The following RIPOR2 variants were observed in gnomAD, a reference collection of about 807,000 sequenced individuals.
RIPOR2 encodes the protein RHO family interacting cell polarization regulator 2, also known as rho family-interacting cell polarization regulator 2.
Under a neutral mutation model 114.5 loss-of-function variants are expected in RIPOR2, and 39 were observed. The ratio of observed to expected loss-of-function variants is 0.34; its 90% CI spans 0.26 to 0.44. RIPOR2 has a LOEUF of 0.44. Ranked by LOEUF, RIPOR2 falls within the 20% of genes least tolerant of loss-of-function variation. The pLI is 1.00. For missense variants in RIPOR2, 1,007 were observed against 1,255.1 expected (o/e 0.80, Z 2.99); for synonymous variants, 445 against 484.4 (o/e 0.92, Z 1.07).
intron 1 of RIPOR2, among the ~76,000 whole-genome samples, chr6:24,881,174 G>A (rs1163116065): frequency 6.6e-6 from 1 of 152,162 alleles, no homozygotes; most frequent in Non-Finnish European, 1.5e-5. Flanking sequence ...AACCCGGGAG[G>A]CAGAGGTTGC....
At chr6:25,012,066 G>C (rs1428395923) in intron 1 of RIPOR2, among the ~76,000 whole-genome samples, 1 of 152,086 alleles carries the variant, frequency 6.6e-6, no homozygotes, top group Non-Finnish European at 1.5e-5. Flanking sequence ...TTTAAAATGG[G>C]TAAACAGTTT....
chr6:24,965,248 C>T (rs1424438440), intron 1 of RIPOR2, among the ~76,000 whole-genome samples: 2 of 152,042 alleles, frequency 1.3e-5, no homozygotes, highest in Non-Finnish European at 2.9e-5. Context: ...AGAGATCCTC[C>T]CACCACAGCT....
intron 1 of RIPOR2, among the ~76,000 whole-genome samples, chr6:24,961,812 A>C (rs934976123): frequency 6.6e-6 from 1 of 151,948 alleles, no homozygotes; most frequent in Non-Finnish European, 1.5e-5. Flanking sequence ...TTTTTAGTAG[A>C]GATGGGGTTT....
rs533348775 is a variant in RIPOR2, at chr6:24,842,430, C to T, written c.1857+432G>A. ...GACCAATTGTGAGAGCAGGTAGTCT[C>T]CTCCAGCAGGCAGTGGCTCATGGCT... On this transcript the variant is annotated intron_variant, in intron 13 of 21. Transcript: ENST00000643898. 5.9e-5 allele frequency among the ~76,000 whole-genome samples: 9 copies of T among 152,250 alleles called. No homozygotes were observed. The South Asian group carries it at 1.5e-3, about 25-fold the overall frequency.
At chr6:24,983,085 G>T (rs1403520658) in intron 1 of RIPOR2, among the ~76,000 whole-genome samples, 1 of 151,876 alleles carries the variant, frequency 6.6e-6, no homozygotes. Context: ...ATCTACTCAG[G>T]GGACTAGAAT....
chr6:25,005,266 C>T (rs995026887), intron 1 of RIPOR2, among the ~76,000 whole-genome samples: 5 of 152,086 alleles, frequency 3.3e-5, no homozygotes, highest in South Asian at 2.1e-4. Flanking sequence ...TGACTCTGAC[C>T]GGGTTGTCCG....
chr6:24,964,848 T>C (rs1773456243), intron 1 of RIPOR2, among the ~76,000 whole-genome samples: 1 of 152,270 alleles, frequency 6.6e-6, no homozygotes, highest in Non-Finnish European at 1.5e-5. Flanking sequence ...TGTGTATTGA[T>C]ATTTCATCTT....
intron 13 of RIPOR2, 101 bp from the exon 14 acceptor site, chr6:24,839,373 C>A: frequency 6.9e-7 from 1 of 1,440,452 alleles, no homozygotes; most frequent in Non-Finnish European, 9.2e-7. Context: ...TTTTTTGTTT[C>A]AAGTTTTTAT....
At chr6:25,007,409 C>T (rs572883090) in intron 1 of RIPOR2, among the ~76,000 whole-genome samples, 96 of 152,258 alleles carry the variant, frequency 6.3e-4, no homozygotes, top group Non-Finnish European at 1.2e-3. Context: ...TGCTCCACCA[C>T]GGGCGCTCAA....
At chr6:24,966,108 C>G (rs368493131) in intron 1 of RIPOR2, among the ~76,000 whole-genome samples, 1 of 152,216 alleles carries the variant, frequency 6.6e-6, no homozygotes, top group Non-Finnish European at 1.5e-5. Flanking sequence ...TCCTTTGGCT[C>G]TGGTACAATT....
intron 1 of RIPOR2, among the ~76,000 whole-genome samples, chr6:24,912,158 G>A (rs560621732): frequency 2.6e-5 from 4 of 152,234 alleles, no homozygotes; most frequent in East Asian, 3.9e-4. Context: ...CAGAAAGAAC[G>A]CCCAAGAGCA....
At chr6:24,898,455 G>C (rs958842559) in intron 1 of RIPOR2, 36 of 152,292 alleles carry the variant, frequency 2.4e-4, no homozygotes, top group African/African-American at 7.2e-4. Context: ...AGTTGCCTTA[G>C]ATAAGTTGTA....
intron 1 of RIPOR2, among the ~76,000 whole-genome samples, chr6:24,967,066 C>G (rs400592): frequency 0.32 from 48,025 of 152,082 alleles, 8,230 homozygotes; most frequent in Non-Finnish European, 0.39. Flanking sequence ...ATTTGAGTTA[C>G]TGACCAAAGG....
intron 2 of RIPOR2, 83 bp from the exon 3 acceptor site, chr6:24,873,882 G>GAT (rs1765455925): frequency 6.7e-6 from 8 of 1,200,162 alleles, no homozygotes; most frequent in Admixed American, 4.8e-5. Flanking sequence ...TTATTTACTT[G>GAT]TTTGTTTTAG....
chr6:24,958,990 C>T (rs370636850), intron 1 of RIPOR2, among the ~76,000 whole-genome samples: 1 of 134,252 alleles, frequency 7.4e-6, no homozygotes, highest in Non-Finnish European at 1.5e-5. Context: ...CTCACCCTGT[C>T]GCCCAGGCTG....
chr6:24,861,060 C>A, intron 7 of RIPOR2, 24 bp from the exon 8 acceptor site: 1 of 1,568,842 alleles, frequency 6.4e-7, no homozygotes, highest in Non-Finnish European at 8.8e-7. Context: ...AGGAGACGAT[C>A]ATGAGAGCTA....
At chr6:24,974,321 G>A (rs543348569) in intron 1 of RIPOR2, among the ~76,000 whole-genome samples, 2 of 152,284 alleles carry the variant, frequency 1.3e-5, no homozygotes, top group Admixed American at 1.3e-4. Context: ...AGTGAGCCGT[G>A]ATCGTGCCTC....
intron 1 of RIPOR2, among the ~76,000 whole-genome samples, chr6:25,040,269 C>T (rs1275907577): frequency 6.6e-6 from 1 of 152,128 alleles, no homozygotes; most frequent in Non-Finnish European, 1.5e-5. Context: ...GTGCCCACCA[C>T]CACGCCTGGC....
upstream of RIPOR2, among the ~76,000 whole-genome samples, chr6:24,938,487 T>C (rs1422881130): frequency 6.6e-6 from 1 of 152,220 alleles, no homozygotes; most frequent in Non-Finnish European, 1.5e-5. Flanking sequence ...ATATACTTTC[T>C]CATTTGGCTT....
Sources: gnomAD v4.1 joint callset for allele counts (sites outside exome capture counted in the v4.1 genomes callset) on GRCh38, gnomAD v4.1.1 for gene constraint, MANE v1.5 for transcripts, NCBI Gene and HGNC (gene_info 2026-07-23, HGNC 2026-07-21) for gene names.